The following THBS3 variants were observed in gnomAD, a reference collection of about 807,000 sequenced individuals.
The protein encoded by THBS3 is thrombospondin-3.
THBS3 carries 78 observed loss-of-function variants against 118.3 expected under a neutral mutation model. The observed-to-expected ratio is 0.66, with a 90% CI of 0.55 to 0.80. The LOEUF (loss-of-function observed/expected upper bound fraction) is 0.80, where lower values mean the gene tolerates loss of function less well. THBS3 is among the 30% of genes least tolerant of loss of function. The pLI, the probability that THBS3 is intolerant of heterozygous loss-of-function variation, is 0.00. For missense variants in THBS3, 1,057 were observed against 1,247.4 expected (o/e 0.85, Z 2.30); for synonymous variants, 427 against 475.3 (o/e 0.90, Z 1.32).
In THBS3 at chr1:155,201,979, T is replaced by G. The variant is rs377351411; in HGVS notation, c.1154A>C (p.Asn385Thr). 1.4e-5 allele frequency: 23 copies of G among 1,613,724 alleles called. No individual in the cohort carries two copies. In the African/African-American group the frequency reaches 2.8e-4, roughly 20 times the overall value. Residue 385 changes from asparagine to threonine, a missense_variant, in exon 10 of 23, where the codon AAC (asparagine) becomes ACC (threonine). Coordinates refer to ENST00000368378, the MANE Select transcript of THBS3 (RefSeq NM_007112.5). ...CACCACAGTGTTGGTGCAGATGGAG[T>G]TTGGGTCACAGCCACCATTGTTGCC... ...NDGNNGGCDP[N>T]SICTNTVGSF... is the part of the protein sequence containing the mutation.
upstream of THBS3, chr1:155,208,723 G>A (rs535735384): frequency 2.1e-4 from 97 of 466,380 alleles, no homozygotes; most frequent in African/African-American, 1.5e-3. Flanking sequence ...CCTCCGCTCC[G>A]GCCGCCGCCA....
Position 155,206,142 on chromosome 1 carries a change from A to C in THBS3, c.286+58T>G. 1 of 1,582,482 alleles carries C rather than the reference A, an allele frequency of 6.3e-7. No homozygotes were observed. Among genetic ancestry groups the C allele is most frequent in the African/African-American group, 1.3e-5 (1 of 74,442 alleles). The stretch of plus-strand genomic sequence containing the variant: ...ATGAGGAAGCACTTGGGAAGTAGGG[A>C]TGAGGGAGAGTGCTTAAGGAGGTCA... On this transcript the variant is annotated intron_variant, in intron 2 of 22. Coordinates refer to ENST00000368378, the MANE Select transcript of THBS3 (RefSeq NM_007112.5). This position sits in a 1 kb window ranked among gnomAD's most constrained non-coding sequence, Gnocchi z 4.2.
intron 11 of THBS3, 95 bp from the exon 12 acceptor site, chr1:155,201,299 A>C (rs1669677989): frequency 1.3e-6 from 2 of 1,585,766 alleles, no homozygotes; most frequent in Non-Finnish European, 1.7e-6. Flanking sequence ...CCCACCAAAC[A>C]GTTCCTGGGC....
At chr1:155,205,344 C>T (rs200728873) in intron 2 of THBS3, 28 bp from the exon 3 acceptor site, 946 of 1,601,212 alleles carry the variant, frequency 5.9e-4, no homozygotes, top group Admixed American at 8.0e-4. Flanking sequence ...TCAGTATGGG[C>T]GCTATCCCCC....
upstream of THBS3, chr1:155,209,086 C>T (rs1670944743): frequency 1.3e-5 from 20 of 1,541,966 alleles, no homozygotes; most frequent in Non-Finnish European, 1.7e-5. Context: ...GCGGCCCAGT[C>T]CCCCGCAGTT....
rs1418200857 is a variant in THBS3 at position 155,202,005 on chromosome 1, A to G, written c.1128T>C (p.Asp376=). 2 of 1,614,054 alleles carry G rather than the reference A, an allele frequency of 1.2e-6. No homozygotes were observed. Among genetic ancestry groups the G allele is most frequent in the East Asian group, 2.2e-5 (1 of 44,902 alleles). Residue 376 remains aspartate, a synonymous_variant, in exon 10 of 23, where the codon GAT becomes GAC. Transcript: ENST00000368378. The surrounding 1 kb of genome is among the most constrained non-coding windows in gnomAD (Gnocchi z 5.5). The part of the protein sequence containing the change: ...QVCNDIDECN[D]GNNGGCDPNS... Reference sequence around the variant, plus strand: ...TTGGGTCACAGCCACCATTGTTGCCATCGTTGCATTCATCGATGTCATTGC... The same window carrying G: ...TTGGGTCACAGCCACCATTGTTGCCGTCGTTGCATTCATCGATGTCATTGC...
rs1557876464 is a variant in THBS3, at chr1:155,205,230, C to G, written c.373G>C (p.Val125Leu). 1 of 1,614,132 alleles carries G rather than the reference C, an allele frequency of 6.2e-7. No homozygotes were observed. The highest frequency in any genetic ancestry group is 8.5e-7 in the Non-Finnish European group (1 of 1,180,032). ...GAGGGACCTCGGAGTCGCAGGAGAA[C>G]TGTGTGTGTGCGCCCATCAGCCAGG... ...AGLADGRTHTVLLRLRGPSRP... is the reference protein window; with the variant it reads ...AGLADGRTHTLLLRLRGPSRP... Residue 125 changes from valine to leucine, a missense_variant, in exon 3 of 23, where the codon GTT becomes CTT. By Grantham distance (32) the Val-to-Leu change is conservative (BLOSUM62 1). Coordinates refer to ENST00000368378, the MANE Select transcript of THBS3 (RefSeq NM_007112.5).
chr1:155,196,497 C>T (rs1412632289), intron 21 of THBS3: 1 of 265,708 alleles, frequency 3.8e-6, no homozygotes. Context: ...TAAAGGGGAA[C>T]CAACCCAGGT....
rs1670311864 is a variant in THBS3, at chr1:155,204,846, CTG to C, written c.646+7_646+8del. ...TGGTCCAATGTCAGCAAACAAGTCT[CTG>C]TGTTACCTGCACTGTGGATGGACTC... On this transcript the variant is annotated splice_region_variant and intron_variant, in intron 4 of 22. Transcript: ENST00000368378. 6.2e-7 allele frequency: 1 copy of C among 1,613,354 alleles called. No individual in the cohort carries two copies. Among genetic ancestry groups the C allele is most frequent in the Non-Finnish European group, 8.5e-7 (1 of 1,179,476 alleles).
rs753441824 is a variant in THBS3, at chr1:155,204,878, C to G, written c.623G>C (p.Gly208Ala). ...VGALSECPFQ[G>A]DESIHSAVTN... Reference sequence around the variant, plus strand: ...ACCTGCACTGTGGATGGACTCGTCCCCTTGGAATGGACACTCACTCAGGGC... The same window carrying G: ...ACCTGCACTGTGGATGGACTCGTCCGCTTGGAATGGACACTCACTCAGGGC... The change falls in exon 4 of 23, where the codon GGG (glycine) becomes GCG (alanine). Residue 208 changes from glycine (G) to alanine (A), a missense_variant. Gly to Ala is a moderately conservative substitution (Grantham distance 60). This residue lies in a region of THBS3 where 544 missense variants were observed against 715.6 expected (regional missense o/e 0.76). Transcript: ENST00000368378. 5 of 1,613,908 alleles carry G rather than the reference C, an allele frequency of 3.1e-6. No individual in the cohort carries two copies. The Admixed American group carries it at 8.3e-5, about 27-fold the overall frequency.
At chr1:155,203,402 T>G in intron 5 of THBS3, 97 bp from the exon 6 acceptor site, 2 of 1,585,620 alleles carry the variant, frequency 1.3e-6, no homozygotes, top group East Asian at 4.5e-5. Context: ...TGCCCACCCC[T>G]GCCTTTAAAC....
chr1:155,208,751 C>G (rs1670895436), upstream of THBS3: 4 of 1,214,244 alleles, frequency 3.3e-6, no homozygotes, highest in Non-Finnish European at 3.2e-6. Context: ...TGTTTTGTTT[C>G]CATGGCGACA....
chr1:155,197,746 G>A lies in THBS3; in HGVS notation c.2303-87C>T. 6.3e-7 allele frequency: 1 copy of A among 1,589,490 alleles called. No individual in the cohort carries two copies. The highest frequency in any genetic ancestry group is 1.1e-5 in the South Asian group (1 of 90,068). On this transcript the variant is annotated intron_variant, in intron 19 of 22. Coordinates refer to ENST00000368378, the MANE Select transcript of THBS3 (RefSeq NM_007112.5). This position sits in a 1 kb window ranked among gnomAD's most constrained non-coding sequence, Gnocchi z 5.0. Reference sequence around the variant, plus strand: ...AAAGTTGGGAAGGGATGCCTGCTATGTATGTGGCCAGCTTGTGCCACTGCC... The same window carrying A: ...AAAGTTGGGAAGGGATGCCTGCTATATATGTGGCCAGCTTGTGCCACTGCC...
chr1:155,205,245 C>T lies in THBS3; in HGVS notation c.358G>A (p.Gly120Arg), dbSNP rs759436310. Reference sequence around the variant, plus strand: ...CGCAGGAGAACTGTGTGTGTGCGCCCATCAGCCAGGCCCGCTTGCTGTAGG... The same window carrying T: ...CGCAGGAGAACTGTGTGTGTGCGCCTATCAGCCAGGCCCGCTTGCTGTAGG... ...VNLQQAGLADGRTHTVLLRLR... is the reference protein window; with the variant it reads ...VNLQQAGLADRRTHTVLLRLR... Residue 120 changes from glycine (G) to arginine (R), a missense_variant, in exon 3 of 23, where the codon GGG becomes AGG. By Grantham distance (125) the Gly-to-Arg change is moderately radical. Around this residue, in one of 3 missense-constraint regions of THBS3, gnomAD observed 206 missense variants for 205.7 expected, o/e 1.00. Transcript: ENST00000368378. The T allele has an allele frequency of 2.5e-6, 4 of 1,614,016 alleles. No individual in the cohort carries two copies. In the African/African-American group the frequency reaches 5.3e-5, roughly 22 times the overall value.
Position 155,201,020 on chromosome 1 carries a change from A to G in THBS3, c.1441-16T>C, listed in dbSNP as rs1202489813. ...GGCAGTTGTCCTAAAGTTCAGGGGA[A>G]GAGGATGGATGAGTTCTGGCCTGAC... On this transcript the variant is annotated splice_polypyrimidine_tract_variant and intron_variant, in intron 12 of 22. Coordinates refer to ENST00000368378, the MANE Select transcript of THBS3 (RefSeq NM_007112.5). 2 of 1,614,212 alleles carry G rather than the reference A, an allele frequency of 1.2e-6. No homozygotes were observed.
Position 155,201,414 on chromosome 1 carries a change from C to G in THBS3, c.1329+3G>C, listed in dbSNP as rs750748482. On this transcript the variant is annotated splice_donor_region_variant and intron_variant, in intron 11 of 22. Transcript: ENST00000368378. Reference sequence around the variant, plus strand: ...TTCCTTCCACGCCTGAAGCCTAGCTCACCTGGCAGGACACTGCACCATTGC... The same window carrying G: ...TTCCTTCCACGCCTGAAGCCTAGCTGACCTGGCAGGACACTGCACCATTGC... The G allele has an allele frequency of 5.6e-6, 9 of 1,596,668 alleles. No individual in the cohort carries two copies. In the Admixed American group the frequency reaches 1.5e-4, roughly 27 times the overall value.
Position 155,198,564 on chromosome 1 carries a change from G to A in THBS3, c.1919C>T (p.Pro640Leu). 1.2e-6 allele frequency: 2 copies of A among 1,614,150 alleles called. No homozygotes were observed. The highest frequency in any genetic ancestry group is 1.7e-6 in the Non-Finnish European group (2 of 1,180,010). ...DGHQDTKDNC[P>L]QLPNSSQLDS... ...CAGCTGGGAGCTATTTGGCAGCTGT[G>A]GGCAGTTGTCCTTGGTGTCCTGATG... The change falls in exon 17 of 23, where the codon CCA becomes CTA. Residue 640 changes from proline (P) to leucine (L), a missense_variant. By Grantham distance (98) the Pro-to-Leu change is moderately conservative. Transcript: ENST00000368378.
chr1:155,198,385 C>T (rs746326628), intron 17 of THBS3, 24 bp downstream of exon 17: 18 of 1,608,232 alleles, frequency 1.1e-5, no homozygotes, highest in Non-Finnish European at 1.5e-5. Flanking sequence ...ACCAGTCTAA[C>T]GTGCTCTGGG....
Position 155,201,420 on chromosome 1 carries a change from G to A in THBS3, c.1326C>T (p.Cys442=), listed in dbSNP as rs758855880. ...CCACGCCTGAAGCCTAGCTCACCTG[G>A]CAGGACACTGCACCATTGCGTTCAA... ...CLFERNGAVS[C]QCNVGWAGNG... The change falls in exon 11 of 23, where the codon TGC becomes TGT. Residue 442 remains cysteine, a synonymous_variant. Transcript: ENST00000368378. 1.9e-6 allele frequency: 3 copies of A among 1,601,946 alleles called. No individual in the cohort carries two copies. The highest frequency in any genetic ancestry group is 1.1e-5 in the South Asian group (1 of 89,138).
Sources: allele counts gnomAD v4.1 joint callset, GRCh38; gene constraint gnomAD v4.1.1; regional missense constraint gnomAD v4.1.1; non-coding constraint Gnocchi (gnomAD v3.1); transcripts MANE v1.5; gene names NCBI Gene and HGNC (gene_info 2026-07-23, HGNC 2026-07-21).